IL10: variants seen among roughly 807,000 people sequenced by gnomAD.
IL10 encodes the protein interleukin-10.
In IL10, 7 loss-of-function variants were observed where a neutral mutation model predicts 21.0. The ratio of observed to expected loss-of-function variants is 0.33; its 90% CI spans 0.19 to 0.63. The LOEUF is 0.63. Ranked by LOEUF, IL10 falls within the 20% of genes least tolerant of loss-of-function variation. IL10 has a pLI of 0.77. For missense variants in IL10, 161 were observed against 213.0 expected, an observed-to-expected ratio of 0.76 and a Z score of 1.52; for synonymous variants, 83 against 79.7, an observed-to-expected ratio of 1.04 and a Z score of -0.22.
chr1:206,771,003 C>T lies in IL10; in HGVS notation c.282G>A (p.Val94=). 1 of 1,614,172 alleles carries T rather than the reference C, an allele frequency of 6.2e-7. No homozygotes were observed. The highest frequency in any genetic ancestry group is 8.5e-7 in the Non-Finnish European group (1 of 1,180,000). The change falls in exon 3 of 5, where the codon GTG becomes GTA. Residue 94 remains valine (V), a synonymous_variant. Transcript: ENST00000423557. The part of the protein sequence containing the change: ...SEMIQFYLEE[V]MPQAENQDPD... ...GGTCTTGGTTCTCAGCTTGGGGCATCACCTCCTCCAGGTAAAACTGGATCA... is the reference window on the plus strand; with the variant it reads ...GGTCTTGGTTCTCAGCTTGGGGCATTACCTCCTCCAGGTAAAACTGGATCA...
In IL10 at chr1:206,770,988, C is replaced by G; in HGVS notation, c.297G>C (p.Glu99Asp). 1 of 1,614,156 alleles carries G rather than the reference C, an allele frequency of 6.2e-7. No homozygotes were observed. The highest frequency in any genetic ancestry group is 8.5e-7 in the Non-Finnish European group (1 of 1,180,004). ...GCGCCTTGATGTCTGGGTCTTGGTTCTCAGCTTGGGGCATCACCTCCTCCA... is the reference window on the plus strand; with the variant it reads ...GCGCCTTGATGTCTGGGTCTTGGTTGTCAGCTTGGGGCATCACCTCCTCCA... ...FYLEEVMPQA[E>D]NQDPDIKAHV... The change falls in exon 3 of 5, where the codon GAG becomes GAC. Residue 99 changes from glutamate (E) to aspartate (D), a missense_variant. By Grantham distance (45) the Glu-to-Asp change is conservative (BLOSUM62 2). Coordinates refer to ENST00000423557, the MANE Select transcript of IL10 (RefSeq NM_000572.3).
At chr1:206,770,573 C>T in intron 3 of IL10, 1 of 372,516 alleles carries the variant, frequency 2.7e-6, no homozygotes. Flanking sequence ...TAGCTCCCCG[C>T]CCAGGGTCTA....
chr1:206,771,556 A>G (rs1044834579), intron 1 of IL10, 141 bp from the exon 2 acceptor site: 1 of 723,994 alleles, frequency 1.4e-6, no homozygotes, highest in Non-Finnish European at 2.5e-6. Context: ...GGGGAGTTTT[A>G]AAAACAGAGG....
chr1:206,772,379 G>T lies in IL10; in HGVS notation c.57C>A (p.Ser19Arg). The change falls in exon 1 of 5, where the codon AGC becomes AGA. Residue 19 changes from serine to arginine, a missense_variant. By Grantham distance (110) the Ser-to-Arg change is moderately radical. Coordinates refer to ENST00000423557, the MANE Select transcript of IL10 (RefSeq NM_000572.3). ...CLVLLTGVRA[S>R]PGQGTQSENS... ...TCTCAGACTGGGTGCCCTGGCCTGG[G>T]CTGGCCCTCACCCCAGTCAGGAGGA... 6 of 1,614,102 alleles carry T rather than the reference G, an allele frequency of 3.7e-6. No homozygotes were observed. Among genetic ancestry groups the T allele is most frequent in the Non-Finnish European group, 5.1e-6 (6 of 1,179,946 alleles).
At chr1:206,769,784 A>G (rs751537990) in intron 4 of IL10, 45 bp downstream of exon 4, 1 of 1,468,510 alleles carries the variant, frequency 6.8e-7, no homozygotes, top group Non-Finnish European at 9.5e-7. Flanking sequence ...GGGAGTGGGC[A>G]TGGGTTGTGC....
chr1:206,768,789 C>T (rs1674737207), intron 4 of IL10, 61 bp from the exon 5 acceptor site: 1 of 966,182 alleles, frequency 1.0e-6, no homozygotes, highest in Admixed American at 1.8e-5. Context: ...ATAGGCTCCC[C>T]TCCCTCATGC....
rs375621255 is a variant in IL10 at position 206,771,471 on chromosome 1, C to T, written c.166-56G>A. ...GAGGTTTGGGGAAATAACTGAAATG[C>T]GGTCTTTTTGATGCCCTTTCATTTA... On this transcript the variant is annotated intron_variant, in intron 1 of 4. Transcript: ENST00000423557. 237 of 1,428,436 alleles carry T rather than the reference C, an allele frequency of 1.7e-4. 1 individual carries two copies. The highest frequency in any genetic ancestry group is 2.1e-4 in the Non-Finnish European group (212 of 1,031,928). The allele number at this position is 1,428,436 out of a possible 1,614,324, so 88.5% of individuals were successfully genotyped here.
At chr1:206,771,126 C>G (rs1386591296) in intron 2 of IL10, 67 bp from the exon 3 acceptor site, 22 of 1,543,998 alleles carry the variant, frequency 1.4e-5, no homozygotes, top group Non-Finnish European at 1.9e-5. Context: ...GCTGCTGCAA[C>G]TAGCTTAAGA....
intron 2 of IL10, 131 bp from the exon 3 acceptor site, chr1:206,771,190 G>T: frequency 1.7e-6 from 2 of 1,209,636 alleles, no homozygotes; most frequent in Non-Finnish European, 1.2e-6. Flanking sequence ...CGAAGGGACT[G>T]AGCCCTTTGT....
Position 206,770,996 on chromosome 1 carries a change from G to A in IL10, c.289C>T (p.Gln97Ter). 1 of 1,614,102 alleles carries A rather than the reference G, an allele frequency of 6.2e-7. No individual in the cohort carries two copies. ...IQFYLEEVMP[Q>*]AENQDPDIKA... ...ATGTCTGGGTCTTGGTTCTCAGCTT[G>A]GGGCATCACCTCCTCCAGGTAAAAC... Residue 97 changes from glutamine (Q) to a stop codon, truncating the protein, a stop_gained, in exon 3 of 5, where the codon CAA (glutamine) becomes TAA (stop). Coordinates refer to ENST00000423557, the MANE Select transcript of IL10 (RefSeq NM_000572.3). LOFTEE classifies it high-confidence loss of function.
rs1264463066 is a variant in IL10, at chr1:206,767,922, G to T, written c.*714C>A. On this transcript the variant is annotated 3_prime_UTR_variant, in exon 5 of 5. Transcript: ENST00000423557. Reference sequence around the variant, plus strand: ...TTTTTGTATTTTTAGTAGAGACGGGGTTTCACCATGTTGACCAGGCTGGTT... The same window carrying T: ...TTTTTGTATTTTTAGTAGAGACGGGTTTTCACCATGTTGACCAGGCTGGTT... 6.2e-6 allele frequency: 1 copy of T among 160,710 alleles called. No homozygotes were observed. The allele number at this position is 160,710 out of a possible 1,614,324, so 10.0% of individuals were successfully genotyped here.
At position 206,770,916 on chromosome 1, in the gene IL10, T is replaced by C. The variant is rs952642115; in HGVS notation, c.369A>G (p.Leu123=). 1.5e-5 allele frequency: 25 copies of C among 1,614,128 alleles called. No individual in the cohort carries two copies. The highest frequency in any genetic ancestry group is 2.1e-5 in the Non-Finnish European group (25 of 1,180,012). ...CTGATCTGCTACTTACACAGCGCCG[T>C]AGCCTCAGCCTGAGGGTCTTCAGGT... ...GENLKTLRLR[L]RRCHRFLPCE... is the part of the protein sequence containing the mutation. The change falls in exon 3 of 5, where the codon CTA becomes CTG. Residue 123 remains leucine (L), a synonymous_variant. Coordinates refer to ENST00000423557, the MANE Select transcript of IL10 (RefSeq NM_000572.3).
At chr1:206,769,267 C>T (rs2102437335) in intron 4 of IL10, among the ~76,000 whole-genome samples, 1 of 152,348 alleles carries the variant, frequency 6.6e-6, no homozygotes, top group South Asian at 2.1e-4. Flanking sequence ...AAAGTTCACG[C>T]ACAGTTGGAA....
At chr1:206,769,793 G>T (rs139075401) in intron 4 of IL10, 36 bp downstream of exon 4, 2 of 1,543,284 alleles carry the variant, frequency 1.3e-6, no homozygotes, top group East Asian at 4.5e-5. Flanking sequence ...CATGGGTTGT[G>T]CTCTGCAGAC....
In IL10 at chr1:206,768,108, GGGAA is replaced by G; in HGVS notation, c.*524_*527del. The G allele has an allele frequency of 4.7e-6, 1 of 212,250 alleles. No individual in the cohort carries two copies. Among genetic ancestry groups the G allele is most frequent in the Admixed American group, 5.7e-5 (1 of 17,524 alleles). 13.1% of individuals were successfully genotyped at this position (212,250 alleles called of 1,614,324 possible). ...TGAAGTGGTTGGGGAATGAGGTTAG[GGGAA>G]TCCCTCCGAGACACTGGAAGGTGAA... On this transcript the variant is annotated 3_prime_UTR_variant, in exon 5 of 5. Transcript: ENST00000423557.
chr1:206,768,304 G>T lies in IL10; in HGVS notation c.*332C>A, dbSNP rs1674726328. ...TGGAAGCTTCTGTTGGCTCCCCAAA[G>T]AACATTTTTTTTCCTCCCTTATGTA... On this transcript the variant is annotated 3_prime_UTR_variant, in exon 5 of 5. Transcript: ENST00000423557. The T allele has an allele frequency of 6.2e-6, 2 of 323,278 alleles. No individual in the cohort carries two copies. The highest frequency in any genetic ancestry group is 1.2e-5 in the Non-Finnish European group (2 of 173,684). 20.0% of individuals were successfully genotyped at this position (323,278 alleles called of 1,614,324 possible).
In IL10 at chr1:206,772,328, G is replaced by T. The variant is rs754844545; in HGVS notation, c.108C>A (p.Asn36Lys). The change falls in exon 1 of 5, where the codon AAC becomes AAA. Residue 36 changes from asparagine to lysine, a missense_variant. By Grantham distance (94) the Asn-to-Lys change is moderately conservative (BLOSUM62 0). Transcript: ENST00000423557. ...SENSCTHFPG[N>K]LPNMLRDLRD... ...GGAGATCTCGAAGCATGTTAGGCAG[G>T]TTGCCTGGGAAGTGGGTGCAGCTGT... 6 of 1,614,216 alleles carry T rather than the reference G, an allele frequency of 3.7e-6. No individual in the cohort carries two copies. The highest frequency in any genetic ancestry group is 5.1e-6 in the Non-Finnish European group (6 of 1,180,030).
chr1:206,772,380 C>G lies in IL10; in HGVS notation c.56G>C (p.Ser19Thr). 1 of 1,614,162 alleles carries G rather than the reference C, an allele frequency of 6.2e-7. No homozygotes were observed. Among genetic ancestry groups the G allele is most frequent in the Non-Finnish European group, 8.5e-7 (1 of 1,179,974 alleles). Residue 19 changes from serine to threonine, a missense_variant, in exon 1 of 5, where the codon AGC becomes ACC. Physicochemically the swap from Ser to Thr is moderately conservative, Grantham distance 58. Transcript: ENST00000423557. ...CTCAGACTGGGTGCCCTGGCCTGGG[C>G]TGGCCCTCACCCCAGTCAGGAGGAC... ...CLVLLTGVRA[S>T]PGQGTQSENS...
chr1:206,768,416 G>GA lies in IL10; in HGVS notation c.*219dup. The GA allele has an allele frequency of 1.9e-6, 1 of 513,034 alleles. No homozygotes were observed. Among genetic ancestry groups the GA allele is most frequent in the Non-Finnish European group, 3.5e-6 (1 of 288,212 alleles). 31.8% of individuals were successfully genotyped at this position (513,034 alleles called of 1,614,324 possible). A position where few individuals can be genotyped will look rare whatever the true frequency, so the allele number is the denominator to read the frequency against. On this transcript the variant is annotated 3_prime_UTR_variant, in exon 5 of 5. Coordinates refer to ENST00000423557, the MANE Select transcript of IL10 (RefSeq NM_000572.3). ...AAAACAGGTGAAAATAATAAATATT[G>GA]AAAAAAATTATAATATTGGGCTTCT...
Sources: allele counts gnomAD v4.1 joint callset (sites outside exome capture counted in the v4.1 genomes callset), GRCh38; gene constraint gnomAD v4.1.1; transcripts MANE v1.5; gene names NCBI Gene and HGNC (gene_info 2026-07-23, HGNC 2026-07-21).